The following CUBN variants were observed in gnomAD, a reference collection of about 807,000 sequenced individuals.
CUBN encodes 460 kDa receptor.
Under a neutral mutation model 405.3 loss-of-function variants are expected in CUBN, and 282 were observed. The observed-to-expected ratio is 0.70, with a 90% CI of 0.63 to 0.77. The LOEUF is 0.77. CUBN is among the 30% of genes least tolerant of loss of function. CUBN has a pLI of 0.00. For synonymous variants in CUBN, 1,684 were observed against 1,617.0 expected, an observed-to-expected ratio of 1.04 and a Z score of -0.99; for missense variants, 4,514 against 4,475.2, an observed-to-expected ratio of 1.01 and a Z score of -0.25.
chr10:16,922,740 C>T (rs1222843740), intron 43 of CUBN, among the ~76,000 whole-genome samples: 2 of 152,090 alleles, frequency 1.3e-5, no homozygotes, highest in Non-Finnish European at 2.9e-5. Flanking sequence ...ATGGGCAAAT[C>T]TCTTCATCCA....
chr10:17,071,420 T>G lies in CUBN; in HGVS notation c.2625+6A>C. 7 of 1,613,784 alleles carry G rather than the reference T, an allele frequency of 4.3e-6. No individual in the cohort carries two copies. The highest frequency in any genetic ancestry group is 5.9e-6 in the Non-Finnish European group (7 of 1,179,772). On this transcript the variant is annotated splice_donor_region_variant and intron_variant, in intron 19 of 66. Coordinates refer to ENST00000377833, the MANE Select transcript of CUBN (RefSeq NM_001081.4). ...AATACAAATTCAAAGATTTTTTCCC[T>G]CTTACCTCAACATAATCTGTTTCAC...
intron 29 of CUBN, among the ~76,000 whole-genome samples, chr10:16,986,984 T>C (rs550841066): frequency 6.6e-6 from 1 of 152,312 alleles, no homozygotes; most frequent in East Asian, 1.9e-4. Flanking sequence ...TCTAGAAGAA[T>C]AAACACTGCC....
At chr10:17,025,912 T>C (rs1008043352) in intron 27 of CUBN, among the ~76,000 whole-genome samples, 11 of 152,082 alleles carry the variant, frequency 7.2e-5, no homozygotes, top group African/African-American at 2.4e-4. Context: ...GGACAGATCA[T>C]GCAGGGGACA....
chr10:16,926,078 G>T (rs1160835368), intron 41 of CUBN, among the ~76,000 whole-genome samples: 8 of 152,190 alleles, frequency 5.3e-5, no homozygotes, highest in Admixed American at 5.2e-4. Flanking sequence ...TGATATGTGA[G>T]ATGGTGATAA....
chr10:16,978,760 T>C (rs1029974382), intron 31 of CUBN, among the ~76,000 whole-genome samples: 1 of 152,138 alleles, frequency 6.6e-6, no homozygotes, highest in Non-Finnish European at 1.5e-5. Flanking sequence ...AACTTTTTGT[T>C]AGAAAATCAG....
intron 28 of CUBN, among the ~76,000 whole-genome samples, chr10:17,009,842 G>A (rs886324537): frequency 6.6e-6 from 1 of 152,156 alleles, no homozygotes; most frequent in Admixed American, 6.5e-5. Flanking sequence ...CTGTCCCTGG[G>A]GGAAAGTTCT....
intron 56 of CUBN, among the ~76,000 whole-genome samples, chr10:16,877,474 T>A (rs780841): frequency 0.76 from 114,922 of 151,970 alleles, 43,624 homozygotes; most frequent in East Asian, 0.83. Flanking sequence ...GAGACCAGGG[T>A]TGCTCCTGAA....
At position 16,918,755 on chromosome 10, in the gene CUBN, A is replaced by T; in HGVS notation, c.6867T>A (p.Asp2289Glu). Reference protein sequence around the residue: ...YLELRDGVDSDAPILSKFCGT... With the variant: ...YLELRDGVDSEAPILSKFCGT... ...CACAAAATTTGGAAAGTATTGGTGC[A>T]TCCGAATCCACTCCATCCCGCAACT... is the stretch of plus-strand genomic sequence containing the variant. The change falls in exon 45 of 67, where the codon GAT becomes GAA. Residue 2289 changes from aspartate to glutamate, a missense_variant. Asp to Glu is a conservative substitution (Grantham distance 45). Transcript: ENST00000377833. 6.2e-7 allele frequency: 1 copy of T among 1,613,966 alleles called. No individual in the cohort carries two copies. The highest frequency in any genetic ancestry group is 8.5e-7 in the Non-Finnish European group (1 of 1,179,892).
At position 16,913,887 on chromosome 10, in the gene CUBN, T is replaced by C; in HGVS notation, c.7457A>G (p.Glu2486Gly). 6.2e-7 allele frequency: 1 copy of C among 1,614,086 alleles called. No individual in the cohort carries two copies. The stretch of plus-strand genomic sequence containing the variant: ...AAACATTAGGGTGATCCGCCTTCCC[T>C]CCGGGGCAGTGATTCTCCACTCGCA... ...RICEWRITAPEGRRITLMFNN... is the reference protein window; with the variant it reads ...RICEWRITAPGGRRITLMFNN... Residue 2486 changes from glutamate to glycine, a missense_variant, in exon 48 of 67, where the codon GAG (glutamate) becomes GGG (glycine). By Grantham distance (98) the Glu-to-Gly change is moderately conservative. This residue lies in a region of CUBN where 1,613 missense variants were observed against 1,542.8 expected (regional missense o/e 1.05). Coordinates refer to ENST00000377833, the MANE Select transcript of CUBN (RefSeq NM_001081.4).
At chr10:17,110,819 A>G in intron 9 of CUBN, 100 bp downstream of exon 9, 1 of 1,564,422 alleles carries the variant, frequency 6.4e-7, no homozygotes, top group Non-Finnish European at 8.8e-7. Context: ...AACTGCACTC[A>G]GCCAGAAATC....
intron 52 of CUBN, 77 bp downstream of exon 52, chr10:16,901,261 G>A: frequency 6.3e-7 from 1 of 1,595,178 alleles, no homozygotes; most frequent in Non-Finnish European, 8.6e-7. Flanking sequence ...CTTAATAAAA[G>A]AGCTCCATTT....
chr10:16,947,605 G>C (rs966951863), intron 35 of CUBN, among the ~76,000 whole-genome samples: 1 of 152,150 alleles, frequency 6.6e-6, no homozygotes, highest in South Asian at 2.1e-4. Context: ...TCTCAAAGCC[G>C]TTTCTTCCTG....
chr10:16,928,524 A>ACC (rs375404995), intron 40 of CUBN, among the ~76,000 whole-genome samples: 4 of 99,682 alleles, frequency 4.0e-5, no homozygotes, highest in African/African-American at 1.7e-4. Context: ...ACCCCACCCC[A>ACC]CCCCCCCCTT....
At chr10:17,109,171 C>A (rs2131306668) in intron 10 of CUBN, among the ~76,000 whole-genome samples, 2 of 152,332 alleles carry the variant, frequency 1.3e-5, no homozygotes, top group Middle Eastern at 6.8e-3. Context: ...CCCTTCTATG[C>A]AGCATTGCAA....
chr10:17,096,891 C>T (rs551696352), intron 14 of CUBN, among the ~76,000 whole-genome samples: 6 of 152,032 alleles, frequency 3.9e-5, no homozygotes, highest in Middle Eastern at 3.4e-3. Context: ...TACTTTCAGC[C>T]GAATGCTAAT....
chr10:16,912,647 T>A (rs2131450034), intron 48 of CUBN, among the ~76,000 whole-genome samples: 1 of 152,180 alleles, frequency 6.6e-6, no homozygotes, highest in Admixed American at 6.5e-5. Flanking sequence ...GGGAGGGGCA[T>A]TCCAGATGAA....
chr10:17,028,327 A>G (rs1027256274), intron 27 of CUBN, among the ~76,000 whole-genome samples: 10 of 152,006 alleles, frequency 6.6e-5, no homozygotes, highest in Non-Finnish European at 4.4e-5. Context: ...CCTGGTTCAT[A>G]GAACAACGTG....
In CUBN at chr10:16,913,805, A is replaced by T. The variant is rs1461851136; in HGVS notation, c.7533+6T>A. The stretch of plus-strand genomic sequence containing the variant: ...TATAACATCTCAGGCGGCAGGGAAC[A>T]CTTACTATCACATGCTCATTGTTGC... On this transcript the variant is annotated splice_donor_region_variant and intron_variant, in intron 48 of 66. Transcript: ENST00000377833. 5.6e-6 allele frequency: 9 copies of T among 1,613,016 alleles called. No homozygotes were observed. The highest frequency in any genetic ancestry group is 1.3e-5 in the African/African-American group (1 of 74,890).
In CUBN at chr10:16,903,968, G is replaced by A; in HGVS notation, c.8060C>T (p.Thr2687Ile). The change falls in exon 51 of 67, where the codon ACA (threonine) becomes ATA (isoleucine). Residue 2687 changes from threonine to isoleucine, a missense_variant and splice_region_variant. Physicochemically the swap from Thr to Ile is moderately conservative, Grantham distance 89. This residue lies in a region of CUBN where 1,186 missense variants were observed against 1,186.9 expected (regional missense o/e 1.00). Transcript: ENST00000377833. ...AAGATCTTAATTATAATTCTTACCT[G>A]TAAAGGAATACTTTGCATGGAATCC... is the stretch of plus-strand genomic sequence containing the variant. ...HIGFHAKYSF[T>I]DCGGIQIGDS... The A allele has an allele frequency of 6.2e-6, 10 of 1,602,142 alleles. No individual in the cohort carries two copies. Among genetic ancestry groups the A allele is most frequent in the Non-Finnish European group, 8.5e-6 (10 of 1,171,290 alleles).
Sources: gnomAD v4.1 joint callset for allele counts (sites outside exome capture counted in the v4.1 genomes callset) on GRCh38, gnomAD v4.1.1 for gene constraint, gnomAD v4.1.1 regional missense constraint, MANE v1.5 for transcripts, NCBI Gene and HGNC (gene_info 2026-07-23, HGNC 2026-07-21) for gene names.